GFPT2: variants seen among roughly 807,000 people sequenced by gnomAD.
GFPT2 encodes glutamine--fructose-6-phosphate aminotransferase [isomerizing] 2.
Under a neutral mutation model 85.6 loss-of-function variants are expected in GFPT2, and 62 were observed. The observed-to-expected ratio is 0.72, with a 90% confidence interval of 0.59 to 0.90. The LOEUF (loss-of-function observed/expected upper bound fraction) is 0.90, where lower values mean the gene tolerates loss of function less well. GFPT2 is among the 40% of genes least tolerant of loss of function. The pLI is 0.00. For missense variants in GFPT2, 788 were observed against 893.4 expected, an observed-to-expected ratio of 0.88 and a Z score of 1.50; for synonymous variants, 368 against 344.5, an observed-to-expected ratio of 1.07 and a Z score of -0.75.
At chr5:180,345,221 T>C (rs558934828) in intron 1 of GFPT2, among the ~76,000 whole-genome samples, 7 of 152,410 alleles carry the variant, frequency 4.6e-5, no homozygotes, top group Admixed American at 3.3e-4. Context: ...CATTTCATCT[T>C]GGCCTTCTGC....
intron 7 of GFPT2, 77 bp from the exon 8 acceptor site, chr5:180,324,972 A>G (rs1331300243): frequency 5.5e-6 from 5 of 903,786 alleles, no homozygotes; most frequent in Non-Finnish European, 9.2e-6. Flanking sequence ...CATCTGAGGT[A>G]GGATCCCCAA....
intron 4 of GFPT2, 91 bp from the exon 5 acceptor site, chr5:180,331,644 C>A (rs146258314): frequency 5.1e-6 from 4 of 790,238 alleles, no homozygotes; most frequent in South Asian, 2.9e-5. Context: ...GAACTCTCTG[C>A]AAACTCCAGG....
In GFPT2 at chr5:180,312,440, T is replaced by C; in HGVS notation, c.1536A>G (p.Arg512=). The C allele has an allele frequency of 6.3e-7, 1 of 1,575,168 alleles. No homozygotes were observed. Among genetic ancestry groups the C allele is most frequent in the Non-Finnish European group, 8.7e-7 (1 of 1,144,414 alleles). Residue 512 remains arginine (R), a synonymous_variant, in exon 15 of 19, where the codon AGA becomes AGG. Transcript: ENST00000253778. ...AATTCTAGAACATACCAGGTAAAGATCTCAAGCCACGGATGATCTCTTGCC... is the reference window on the plus strand; with the variant it reads ...AATTCTAGAACATACCAGGTAAAGACCTCAAGCCACGGATGATCTCTTGCC... ...NRRQEIIRGL[R]SLPELIKEVL...
intron 17 of GFPT2, among the ~76,000 whole-genome samples, chr5:180,303,007 A>C (rs1430795567): frequency 6.6e-6 from 1 of 151,486 alleles, no homozygotes. Context: ...AGGCGGGTGG[A>C]TCACGAGGTC....
intron 9 of GFPT2, among the ~76,000 whole-genome samples, chr5:180,322,241 T>C (rs1213954157): frequency 6.6e-6 from 1 of 151,902 alleles, no homozygotes; most frequent in Non-Finnish European, 1.5e-5. Flanking sequence ...GAGGATCCCT[T>C]GAGTCCAGGA....
chr5:180,319,366 T>C (rs1189982344), intron 9 of GFPT2, among the ~76,000 whole-genome samples: 1 of 152,184 alleles, frequency 6.6e-6, no homozygotes, highest in Non-Finnish European at 1.5e-5. Flanking sequence ...CCAAACAATG[T>C]CACCTCTGGA....
At chr5:180,341,908 A>T (rs1050500085) in intron 1 of GFPT2, among the ~76,000 whole-genome samples, 1 of 152,146 alleles carries the variant, frequency 6.6e-6, no homozygotes, top group Non-Finnish European at 1.5e-5. Flanking sequence ...TTTTAAAAAG[A>T]TAGTTATTTT....
intron 1 of GFPT2, among the ~76,000 whole-genome samples, chr5:180,339,073 C>T (rs905189205): frequency 1.3e-5 from 2 of 152,130 alleles, no homozygotes; most frequent in Non-Finnish European, 2.9e-5. Flanking sequence ...AAGGCTGGAA[C>T]TTGACCTTAA....
chr5:180,345,640 C>G (rs1559114), intron 1 of GFPT2, among the ~76,000 whole-genome samples: 34,976 of 152,216 alleles, frequency 0.23, 4,116 homozygotes, highest in Middle Eastern at 0.29. Context: ...GGATTGTAAC[C>G]TTCTGGAGGA....
chr5:180,313,362 CG>C (rs1763932472), intron 14 of GFPT2, among the ~76,000 whole-genome samples: 1 of 151,110 alleles, frequency 6.6e-6, no homozygotes, highest in Non-Finnish European at 1.5e-5. Context: ...GAGGCCGAGG[CG>C]GGCGGATCAC....
chr5:180,334,387 T>G (rs1168991705), intron 4 of GFPT2, among the ~76,000 whole-genome samples: 5 of 152,072 alleles, frequency 3.3e-5, no homozygotes, highest in African/African-American at 1.2e-4. Context: ...CTGTGGGTGG[T>G]GGGGGTGCCT....
At chr5:180,316,671 C>T in intron 12 of GFPT2, 93 bp downstream of exon 12, 1 of 1,005,428 alleles carries the variant, frequency 9.9e-7, no homozygotes, top group Non-Finnish European at 1.5e-6. Flanking sequence ...AGGGCTTAGC[C>T]AAATTCAGAA....
chr5:180,347,354 T>C (rs774405371), intron 1 of GFPT2, among the ~76,000 whole-genome samples: 15 of 151,600 alleles, frequency 9.9e-5, no homozygotes, highest in Non-Finnish European at 2.1e-4. Flanking sequence ...GAGGCTGCCC[T>C]GGCCCCACCA....
In GFPT2 at chr5:180,324,901, G is replaced by A. The variant is rs768199720; in HGVS notation, c.597-6C>T. Reference sequence around the variant, plus strand: ...TGAGCAGGGGGCTGCCTCTCCTGTAGGGAGAAAGAGGCATCCCATTACCCA... The same window carrying A: ...TGAGCAGGGGGCTGCCTCTCCTGTAAGGAGAAAGAGGCATCCCATTACCCA... On this transcript the variant is annotated splice_polypyrimidine_tract_variant and splice_region_variant and intron_variant, in intron 7 of 18. Coordinates refer to ENST00000253778, the MANE Select transcript of GFPT2 (RefSeq NM_005110.4). 1.9e-6 allele frequency: 3 copies of A among 1,577,674 alleles called. No individual in the cohort carries two copies. Among genetic ancestry groups the A allele is most frequent in the Middle Eastern group, 3.3e-4 (2 of 5,992 alleles).
chr5:180,330,611 G>T lies in GFPT2; in HGVS notation c.534+89C>A. On this transcript the variant is annotated intron_variant, in intron 6 of 18. Coordinates refer to ENST00000253778, the MANE Select transcript of GFPT2 (RefSeq NM_005110.4). The surrounding 1 kb of genome is among the most constrained non-coding windows in gnomAD (Gnocchi z 4.4). ...TGTCTAACAAGGGCTTATAAAAAAT[G>T]AAGGATTCCTTGGCACTTGCTGCTT... 7.5e-6 allele frequency: 8 copies of T among 1,072,988 alleles called. No individual in the cohort carries two copies. Among genetic ancestry groups the T allele is most frequent in the Non-Finnish European group, 8.4e-6 (6 of 715,536 alleles). 66.5% of individuals were successfully genotyped at this position (1,072,988 alleles called of 1,614,324 possible).
At position 180,353,292 on chromosome 5, in the gene GFPT2, C is replaced by CCTCCGTGGG. The variant is rs199818683; in HGVS notation, c.-84_-76dup. 3.2e-4 allele frequency: 301 copies of CCTCCGTGGG among 949,848 alleles called. No homozygotes were observed. Among genetic ancestry groups the CCTCCGTGGG allele is most frequent in the South Asian group, 2.1e-3 (41 of 19,628 alleles). 58.8% of individuals were successfully genotyped at this position (949,848 alleles called of 1,614,324 possible). A position where few individuals can be genotyped will look rare whatever the true frequency, so the allele number is the denominator to read the frequency against. ...GGACGCTGGGGCTCCTCCGTGGGCT[C>CCTCCGTGGG]CTCCGTGGGCTCCGTGGGCTCCGTG... is the stretch of plus-strand genomic sequence containing the variant. On this transcript the variant is annotated 5_prime_UTR_variant, in exon 1 of 19. Transcript: ENST00000253778.
chr5:180,328,327 G>A lies in GFPT2; in HGVS notation c.546C>T (p.Phe182=), dbSNP rs1045017160. 16 of 1,612,770 alleles carry A rather than the reference G, an allele frequency of 9.9e-6. No individual in the cohort carries two copies. The highest frequency in any genetic ancestry group is 3.3e-5 in the Admixed American group (2 of 60,012). ...ERVIQQLEGA[F]ALVFKSVHYP... is the part of the protein sequence containing the mutation. ...AGTGGACACTCTTGAAAACCAGCGCGAATGCACCTTCCTGAAAACACACAA... is the reference window on the plus strand; with the variant it reads ...AGTGGACACTCTTGAAAACCAGCGCAAATGCACCTTCCTGAAAACACACAA... Residue 182 remains phenylalanine, a synonymous_variant, in exon 7 of 19, where the codon TTC becomes TTT. Transcript: ENST00000253778. This position sits in a 1 kb window ranked among gnomAD's most constrained non-coding sequence, Gnocchi z 5.4.
At chr5:180,313,342 A>G (rs1284798890) in intron 14 of GFPT2, among the ~76,000 whole-genome samples, 1 of 151,818 alleles carries the variant, frequency 6.6e-6, no homozygotes. Context: ...CTGTAATCCC[A>G]GCACTTTGGG....
rs2112594 is a variant in GFPT2, at chr5:180,317,009, T to G, written c.1008A>C (p.Ser336=). The G allele has an allele frequency of 0.16, 261,537 of 1,610,190 alleles. 22,314 individuals are homozygous for G. Among genetic ancestry groups the G allele is most frequent in the East Asian group, 0.23 (10,225 of 44,848 alleles). ...CCCGACCTCTCATAGTATTGAAAAC[T>G]GATTCTGGCTGTTCGAAGATCTCCT... ...MQKEIFEQPE[S]VFNTMRGRVN... The change falls in exon 11 of 19, where the codon TCA becomes TCC. Residue 336 remains serine, a synonymous_variant. Transcript: ENST00000253778.
Sources: allele counts gnomAD v4.1 joint callset (sites outside exome capture counted in the v4.1 genomes callset), GRCh38; gene constraint gnomAD v4.1.1; non-coding constraint Gnocchi (gnomAD v3.1); transcripts MANE v1.5; gene names NCBI Gene and HGNC (gene_info 2026-07-23, HGNC 2026-07-21).